Variants in CSRNP3 observed in about 807,000 individuals in gnomAD.
The protein encoded by CSRNP3 is cysteine/serine-rich nuclear protein 3.
CSRNP3 carries 12 observed loss-of-function variants against 48.0 expected under a neutral mutation model. That is an observed-to-expected ratio of 0.25 (90% CI 0.16 to 0.41). The LOEUF (loss-of-function observed/expected upper bound fraction) is 0.41. Among genes scored for constraint, CSRNP3 ranks in the 10% least tolerant of loss-of-function variants. CSRNP3 has a pLI of 1.00. For missense variants in CSRNP3, 580 were observed against 724.4 expected, an observed-to-expected ratio of 0.80 and a Z score of 2.29; for synonymous variants, 263 against 269.7, an observed-to-expected ratio of 0.98 and a Z score of 0.24.
intron 3 of CSRNP3, among the ~76,000 whole-genome samples, chr2:165,565,330 T>C (rs1214665632): frequency 1.3e-5 from 2 of 152,122 alleles, no homozygotes; most frequent in African/African-American, 2.4e-5. Context: ...CTAGTTTGTT[T>C]ACAAGGCTAA....
chr2:165,674,695 T>TATATATATATATAA (rs1020684188), intron 5 of CSRNP3, among the ~76,000 whole-genome samples: 3 of 135,540 alleles, frequency 2.2e-5, no homozygotes, highest in African/African-American at 8.2e-5. Flanking sequence ...TATATATATA[T>TATATATATATATAA]ATATATATAT....
chr2:165,611,363 A>ATGTGTGTGTGTGTGTG lies in CSRNP3; in HGVS notation c.148+16152_148+16167dup, dbSNP rs1553479605. On this transcript the variant is annotated intron_variant, in intron 4 of 6. Transcript: ENST00000651982. ...GCTAGATTTAACCATTTCACGATAT[A>ATGTGTGTGTGTGTGTG]TGTGTGTGTGTGTGTGTATATACAT... Among the ~76,000 whole-genome samples the ATGTGTGTGTGTGTGTG allele has an allele frequency of 3.2e-4, 34 of 104,774 alleles. No homozygotes were observed. In the South Asian group the frequency reaches 6.1e-3, roughly 19 times the overall value. 68.7% of individuals were successfully genotyped at this position (104,774 alleles called of 152,430 possible).
chr2:165,654,182 G>A (rs1177697270), intron 4 of CSRNP3, among the ~76,000 whole-genome samples: 2 of 152,124 alleles, frequency 1.3e-5, no homozygotes, highest in East Asian at 3.9e-4. Flanking sequence ...CCTGCTGTAA[G>A]GGGTAATGTA....
chr2:165,593,731 A>C (rs1186313041), intron 3 of CSRNP3, among the ~76,000 whole-genome samples: 1 of 152,204 alleles, frequency 6.6e-6, no homozygotes, highest in African/African-American at 2.4e-5. Flanking sequence ...CTGGCGGAAA[A>C]AGGAGACAAT....
At chr2:165,527,852 TCAA>T (rs2105240988) in intron 3 of CSRNP3, among the ~76,000 whole-genome samples, 1 of 147,838 alleles carries the variant, frequency 6.8e-6, no homozygotes, top group African/African-American at 2.5e-5. Flanking sequence ...AATGAGAAGA[TCAA>T]CAAGACCCCA....
At chr2:165,520,826 T>TATAC (rs1684650013) in intron 3 of CSRNP3, among the ~76,000 whole-genome samples, 2 of 105,048 alleles carry the variant, frequency 1.9e-5, no homozygotes. Context: ...TATATATATA[T>TATAC]ACATATTTTT....
intron 3 of CSRNP3, among the ~76,000 whole-genome samples, chr2:165,569,790 G>A (rs1372515305): frequency 6.6e-6 from 1 of 151,798 alleles, no homozygotes; most frequent in East Asian, 1.9e-4. Flanking sequence ...TTGATTAGAA[G>A]GGTGGGCATA....
chr2:165,674,683 T>TAA (rs1687390990), intron 5 of CSRNP3, among the ~76,000 whole-genome samples: 1 of 62,012 alleles, frequency 1.6e-5, no homozygotes, highest in African/African-American at 5.6e-5. Flanking sequence ...TACTTCTGAA[T>TAA]ATATATATAT....
At chr2:165,668,332 G>A (rs867489589) in intron 5 of CSRNP3, among the ~76,000 whole-genome samples, 2 of 151,448 alleles carry the variant, frequency 1.3e-5, no homozygotes, top group Middle Eastern at 3.2e-3. Flanking sequence ...TCTTTGGTTT[G>A]CTCTCTGTTT....
At chr2:165,614,506 G>A (rs191831166) in intron 4 of CSRNP3, among the ~76,000 whole-genome samples, 7 of 152,182 alleles carry the variant, frequency 4.6e-5, no homozygotes, top group East Asian at 3.9e-4. Flanking sequence ...TCTTTTTCCC[G>A]TTTTTAGAGT....
At chr2:165,555,018 T>G (rs1476544408) in intron 3 of CSRNP3, among the ~76,000 whole-genome samples, 1 of 152,158 alleles carries the variant, frequency 6.6e-6, no homozygotes, top group East Asian at 1.9e-4. Context: ...GCATTTGCTA[T>G]TTCTTCTTTC....
At chr2:165,666,511 GAAGA>G (rs1195731590) in intron 5 of CSRNP3, among the ~76,000 whole-genome samples, 1 of 37,018 alleles carries the variant, frequency 2.7e-5, no homozygotes, top group African/African-American at 7.0e-5. Flanking sequence ...AGAGAGAGAG[GAAGA>G]AAGAAAGACA....
At chr2:165,508,046 G>T (rs753312487) in intron 2 of CSRNP3, among the ~76,000 whole-genome samples, 10 of 151,946 alleles carry the variant, frequency 6.6e-5, no homozygotes, top group Non-Finnish European at 8.8e-5. Flanking sequence ...ACTAAAAGTT[G>T]AGCTAACCAA....
intron 4 of CSRNP3, among the ~76,000 whole-genome samples, chr2:165,640,021 C>G (rs1686698127): frequency 6.6e-6 from 1 of 152,124 alleles, no homozygotes; most frequent in Admixed American, 6.5e-5. Context: ...CAGAACAGAG[C>G]ATTTTAATTG....
intron 1 of CSRNP3, among the ~76,000 whole-genome samples, chr2:165,480,964 C>CA (rs201214927): frequency 0.016 from 2,366 of 149,940 alleles, 60 homozygotes; most frequent in African/African-American, 0.054. Flanking sequence ...GTCTGGACAA[C>CA]ATAGTGAGAT....
intron 2 of CSRNP3, 62 bp downstream of exon 2, chr2:165,494,990 G>A (rs1380162864): frequency 6.6e-6 from 1 of 152,456 alleles, no homozygotes; most frequent in African/African-American, 2.4e-5. Flanking sequence ...CCACTCTTGG[G>A]GGCTTTAGCT....
intron 3 of CSRNP3, among the ~76,000 whole-genome samples, chr2:165,585,968 T>C (rs988669774): frequency 6.6e-6 from 1 of 152,132 alleles, no homozygotes; most frequent in Non-Finnish European, 1.5e-5. Flanking sequence ...CTAAGGCTCA[T>C]GCACTACACA....
chr2:165,683,823 A>G lies in CSRNP3; in HGVS notation c.*4070A>G, dbSNP rs557606010. The G allele has an allele frequency of 4.5e-4, 69 of 152,224 alleles. No individual in the cohort carries two copies. The highest frequency in any genetic ancestry group is 1.6e-3 in the African/African-American group (66 of 41,570). The allele number at this position is 152,224 out of a possible 1,614,324, so 9.4% of individuals were successfully genotyped here. A position where few individuals can be genotyped will look rare whatever the true frequency, so the allele number is the denominator to read the frequency against. ...AAGTGACATTAGAAAAACTGACATC[A>G]GTTCTTGTCTAATTATATGTGAGCT... is the stretch of plus-strand genomic sequence containing the variant. On this transcript the variant is annotated 3_prime_UTR_variant, in exon 7 of 7. Transcript: ENST00000651982.
At chr2:165,509,793 T>C (rs952381994) in intron 2 of CSRNP3, among the ~76,000 whole-genome samples, 1 of 152,052 alleles carries the variant, frequency 6.6e-6, no homozygotes, top group African/African-American at 2.4e-5. Context: ...GCTTTCACAT[T>C]TTACCCATGA....
Sources: gnomAD v4.1 joint callset for allele counts (sites outside exome capture counted in the v4.1 genomes callset) on GRCh38, gnomAD v4.1.1 for gene constraint, MANE v1.5 for transcripts, NCBI Gene and HGNC (gene_info 2026-07-23, HGNC 2026-07-21) for gene names.